Variants in SLC24A2 observed in about 807,000 individuals in gnomAD.
SLC24A2 encodes sodium/potassium/calcium exchanger 2.
SLC24A2 carries 36 observed loss-of-function variants against 62.0 expected under a neutral mutation model. The ratio of observed to expected loss-of-function variants is 0.58; its 90% CI spans 0.44 to 0.77. The LOEUF (loss-of-function observed/expected upper bound fraction) is 0.77. SLC24A2 is among the 30% of genes least tolerant of loss of function. The pLI, the probability that SLC24A2 is intolerant of heterozygous loss-of-function variation, is 0.00. For synonymous variants in SLC24A2, 358 were observed against 294.0 expected (o/e 1.22, Z -2.23); for missense variants, 846 against 817.9 (o/e 1.03, Z -0.42).
chr9:20,214,430 G>T, the SLC24A2 span, among the ~76,000 whole-genome samples: 23 of 152,016 alleles, frequency 1.5e-4, no homozygotes, highest in African/African-American at 5.1e-4. Flanking sequence ...GGCTAACACA[G>T]TGAAACCCCA....
At chr9:19,906,335 G>C in the SLC24A2 span, among the ~76,000 whole-genome samples, 7 of 150,002 alleles carry the variant, frequency 4.7e-5, no homozygotes, top group African/African-American at 1.7e-4. Flanking sequence ...GCAGTGTGTA[G>C]AGGGAAATTT....
intron 4 of SLC24A2, among the ~76,000 whole-genome samples, chr9:19,608,829 C>T (rs1408186030): frequency 3.3e-5 from 5 of 152,106 alleles, no homozygotes; most frequent in Admixed American, 1.3e-4. Flanking sequence ...GACACTCGCA[C>T]ATACCTAGCA....
At chr9:20,071,533 C>G in the SLC24A2 span, among the ~76,000 whole-genome samples, 10 of 152,212 alleles carry the variant, frequency 6.6e-5, no homozygotes, top group East Asian at 1.9e-3. Flanking sequence ...ATGAATAATG[C>G]CCCCCAAAAT....
At chr9:19,589,942 C>A (rs1379478197) in intron 5 of SLC24A2, among the ~76,000 whole-genome samples, 2 of 152,156 alleles carry the variant, frequency 1.3e-5, no homozygotes, top group African/African-American at 4.8e-5. Flanking sequence ...CAAAGAGACT[C>A]ACTCCCTTCT....
chr9:19,708,318 T>C (rs1215011574), intron 2 of SLC24A2, among the ~76,000 whole-genome samples: 4 of 152,096 alleles, frequency 2.6e-5, no homozygotes, highest in Non-Finnish European at 5.9e-5. Flanking sequence ...ATCGTGAAAA[T>C]GGCCATACTG....
chr9:20,256,607 G>C, the SLC24A2 span, among the ~76,000 whole-genome samples: 1,113 of 152,104 alleles, frequency 7.3e-3, 12 homozygotes, highest in African/African-American at 0.024. Flanking sequence ...ATCCTTACAT[G>C]CTCTGCCATC....
At chr9:19,898,301 G>A in the SLC24A2 span, among the ~76,000 whole-genome samples, 1 of 152,132 alleles carries the variant, frequency 6.6e-6, no homozygotes, top group African/African-American at 2.4e-5. Flanking sequence ...TAGGACAAAG[G>A]CCAAACTCAA....
the SLC24A2 span, among the ~76,000 whole-genome samples, chr9:20,170,614 A>G: frequency 1.3e-5 from 2 of 152,030 alleles, no homozygotes; most frequent in Non-Finnish European, 2.9e-5. Flanking sequence ...GGAAGGGGGT[A>G]GGCTGTTTTA....
At chr9:19,527,644 A>C (rs1181569047) in intron 9 of SLC24A2, among the ~76,000 whole-genome samples, 1 of 152,214 alleles carries the variant, frequency 6.6e-6, no homozygotes, top group East Asian at 1.9e-4. Context: ...GGAAGAGGCT[A>C]TTTTGTCTCC....
chr9:20,185,397 G>C, the SLC24A2 span, among the ~76,000 whole-genome samples: 192 of 151,926 alleles, frequency 1.3e-3, 1 homozygote, highest in Non-Finnish European at 1.4e-3. Context: ...CAGGCATCGC[G>C]GCTCACGCCT....
intron 2 of SLC24A2, among the ~76,000 whole-genome samples, chr9:19,728,980 TATTTG>T (rs1355823654): frequency 2.6e-5 from 4 of 152,200 alleles, no homozygotes; most frequent in Non-Finnish European, 5.9e-5. Flanking sequence ...AGGTAGGCCA[TATTTG>T]ACTTACTCAT....
chr9:20,061,642 T>C, the SLC24A2 span, among the ~76,000 whole-genome samples: 1 of 152,194 alleles, frequency 6.6e-6, no homozygotes, highest in Non-Finnish European at 1.5e-5. Context: ...AAGGATAGTC[T>C]TTTCAATAGA....
chr9:19,687,510 T>C (rs1223295905), intron 2 of SLC24A2, among the ~76,000 whole-genome samples: 1 of 152,106 alleles, frequency 6.6e-6, no homozygotes, highest in Non-Finnish European at 1.5e-5. Context: ...GCCATAGCTA[T>C]GACGGAAAAT....
chr9:20,064,599 C>T, the SLC24A2 span, among the ~76,000 whole-genome samples: 1 of 152,156 alleles, frequency 6.6e-6, no homozygotes, highest in Non-Finnish European at 1.5e-5. Context: ...TAATTATGCT[C>T]TTCAAATCAG....
chr9:19,914,336 T>C, the SLC24A2 span, among the ~76,000 whole-genome samples: 405 of 150,070 alleles, frequency 2.7e-3, 6 homozygotes, highest in East Asian at 0.036. Flanking sequence ...CCTAAACATG[T>C]CCACTGGCTT....
At chr9:19,517,947 A>ACT (rs1563926172) in intron 10 of SLC24A2, among the ~76,000 whole-genome samples, 8 of 149,690 alleles carry the variant, frequency 5.3e-5, no homozygotes, top group South Asian at 4.4e-4. Context: ...ACACACACAC[A>ACT]CACACACACA....
the SLC24A2 span, among the ~76,000 whole-genome samples, chr9:20,204,719 TAATAATGC>T: frequency 6.6e-6 from 1 of 151,458 alleles, no homozygotes. Context: ...AGAATACACT[TAATAATGC>T]AATAAAAAGT....
chr9:20,087,594 T>A, the SLC24A2 span, among the ~76,000 whole-genome samples: 1 of 152,146 alleles, frequency 6.6e-6, no homozygotes, highest in African/African-American at 2.4e-5. Flanking sequence ...GAGGCAAAAA[T>A]TATATAAAAT....
chr9:19,771,112 G>C (rs1417922385), intron 2 of SLC24A2, among the ~76,000 whole-genome samples: 1 of 152,212 alleles, frequency 6.6e-6, no homozygotes, highest in Non-Finnish European at 1.5e-5. Flanking sequence ...GCATGTGGCA[G>C]AGATGCCAAT....
Sources: gnomAD v4.1 joint callset for allele counts (sites outside exome capture counted in the v4.1 genomes callset) on GRCh38, gnomAD v4.1.1 for gene constraint, MANE v1.5 for transcripts, NCBI Gene and HGNC (gene_info 2026-07-23, HGNC 2026-07-21) for gene names.